Variants in POLQ observed in about 807,000 individuals in gnomAD.
POLQ encodes epididymis secretory sperm binding protein.
In POLQ, 233 loss-of-function variants were observed where a neutral mutation model predicts 259.2. That is an observed-to-expected ratio of 0.90 (90% CI 0.81 to 1.00). The LOEUF (loss-of-function observed/expected upper bound fraction) is 1.00, where lower values mean the gene tolerates loss of function less well. Ranked by LOEUF, POLQ falls within the 50% of genes least tolerant of loss-of-function variation. The pLI, the probability that POLQ is intolerant of heterozygous loss-of-function variation, is 0.00. For missense variants in POLQ, 2,871 were observed against 3,051.6 expected (o/e 0.94, Z 1.39); for synonymous variants, 1,025 against 1,048.8 (o/e 0.98, Z 0.44).
At chr3:121,452,015 G>A (rs1019649040) in intron 25 of POLQ, among the ~76,000 whole-genome samples, 4 of 151,506 alleles carry the variant, frequency 2.6e-5, no homozygotes, top group African/African-American at 9.7e-5. Context: ...CCTTGCTGCT[G>A]CCTTGCAGTT....
At chr3:121,520,111 A>G (rs1420254221) in intron 8 of POLQ, 28 bp from the exon 9 acceptor site, 4 of 1,318,772 alleles carry the variant, frequency 3.0e-6, no homozygotes, top group Non-Finnish European at 4.3e-6. Context: ...TTATATATTT[A>G]TTGATATATA....
chr3:121,534,730 T>C (rs2048438480), intron 5 of POLQ, among the ~76,000 whole-genome samples: 1 of 152,256 alleles, frequency 6.6e-6, no homozygotes, highest in African/African-American at 2.4e-5. Flanking sequence ...CAACTTTTGC[T>C]GCCCTTCACA....
At position 121,545,708 on chromosome 3, in the gene POLQ, G is replaced by A; in HGVS notation, c.163+7C>T. The A allele has an allele frequency of 6.5e-7, 1 of 1,547,766 alleles. No homozygotes were observed. ...GTTGCCCGCGGCCTCCCGGGTTCCT[G>A]GAGCACCTGCAGCTGCGGCCTTCAG... On this transcript the variant is annotated splice_region_variant and intron_variant, in intron 1 of 29. Transcript: ENST00000264233.
chr3:121,454,772 CAAT>C (rs1560088023), intron 25 of POLQ, among the ~76,000 whole-genome samples: 1 of 152,158 alleles, frequency 6.6e-6, no homozygotes, highest in Non-Finnish European at 1.5e-5. Flanking sequence ...GACTCCCACA[CAAT>C]AATAATGGGA....
chr3:121,523,506 G>GT (rs905616564), intron 7 of POLQ, among the ~76,000 whole-genome samples: 14 of 152,160 alleles, frequency 9.2e-5, no homozygotes, highest in Middle Eastern at 3.4e-3. Flanking sequence ...GAATCCAGGA[G>GT]TTTGAGACCA....
At position 121,460,073 on chromosome 3, in the gene POLQ, C is replaced by G; in HGVS notation, c.7129G>C (p.Asp2377His). ...KMIEPESVGDDLRQQAKQICY... is the reference protein window; with the variant it reads ...KMIEPESVGDHLRQQAKQICY... ...ACCTGTTTTGCCTGCTGCCTCAGAT[C>G]ATCCCCAACAGACTCTGGCTCAATC... is the stretch of plus-strand genomic sequence containing the variant. The change falls in exon 25 of 30, where the codon GAT (aspartate) becomes CAT (histidine). Residue 2377 changes from aspartate (D) to histidine (H), a missense_variant. Asp to His is a moderately conservative substitution (Grantham distance 81, BLOSUM62 -1). Around this residue, in one of 3 missense-constraint regions of POLQ, gnomAD observed 2,080 missense variants for 2,126.0 expected, o/e 0.98. Coordinates refer to ENST00000264233, the MANE Select transcript of POLQ (RefSeq NM_199420.4). The G allele has an allele frequency of 6.2e-7, 1 of 1,613,992 alleles. No homozygotes were observed.
Position 121,537,159 on chromosome 3 carries a change from C to T in POLQ, c.681G>A (p.Gly227=), listed in dbSNP as rs1392107582. 1.2e-6 allele frequency: 2 copies of T among 1,608,086 alleles called. No individual in the cohort carries two copies. The highest frequency in any genetic ancestry group is 1.7e-6 in the Non-Finnish European group (2 of 1,174,726). ...TGGTCAGCAAAAGTTCCAGCAGATA[C>T]CCTCGGTGAGAGTCTCCCAGCATAT... ...ELHMLGDSHR[G]YLLELLLTKI... The change falls in exon 5 of 30, where the codon GGG becomes GGA. Residue 227 remains glycine, a synonymous_variant. Coordinates refer to ENST00000264233, the MANE Select transcript of POLQ (RefSeq NM_199420.4).
At chr3:121,434,035 T>C (rs553082344) in intron 28 of POLQ, among the ~76,000 whole-genome samples, 1 of 152,362 alleles carries the variant, frequency 6.6e-6, no homozygotes, top group South Asian at 2.1e-4. Flanking sequence ...TGTTCACCTG[T>C]TCAGCTGAAA....
intron 18 of POLQ, 58 bp downstream of exon 18, chr3:121,483,328 A>G: frequency 1.1e-6 from 1 of 945,402 alleles, no homozygotes; most frequent in African/African-American, 1.7e-5. Flanking sequence ...CAAGTCATTT[A>G]AGAATTAACA....
At chr3:121,540,849 T>C (rs1334046505) in intron 3 of POLQ, among the ~76,000 whole-genome samples, 1 of 152,098 alleles carries the variant, frequency 6.6e-6, no homozygotes, top group Non-Finnish European at 1.5e-5. Flanking sequence ...CCCTTCTCCT[T>C]AATGCAATAA....
intron 26 of POLQ, among the ~76,000 whole-genome samples, chr3:121,440,579 G>C (rs1349495344): frequency 6.6e-6 from 1 of 152,094 alleles, no homozygotes; most frequent in African/African-American, 2.4e-5. Context: ...CAAGCGATCT[G>C]CCCACCTCCG....
At position 121,440,116 on chromosome 3, in the gene POLQ, C is replaced by T; in HGVS notation, c.7265G>A (p.Gly2422Glu). Residue 2422 changes from glycine to glutamate, a missense_variant and splice_region_variant, in exon 27 of 30, where the codon GGG becomes GAG. By Grantham distance (98) the Gly-to-Glu change is moderately conservative. This residue lies in a region of POLQ where 2,080 missense variants were observed against 2,126.0 expected (regional missense o/e 0.98). Transcript: ENST00000264233. ...TGTCTCTGTCATGAATTGATTAATC[C>T]CTACAAAGAAAATACAGAAATAATT... ...YIDSFKSRYT[G>E]INQFMTETVK... The T allele has an allele frequency of 1.2e-6, 2 of 1,602,530 alleles. No homozygotes were observed. The highest frequency in any genetic ancestry group is 2.2e-5 in the South Asian group (2 of 90,350).
intron 3 of POLQ, among the ~76,000 whole-genome samples, chr3:121,540,797 T>C (rs2048483989): frequency 6.6e-6 from 1 of 152,226 alleles, no homozygotes; most frequent in Non-Finnish European, 1.5e-5. Flanking sequence ...GGTTTACAAA[T>C]TTTTACACAA....
chr3:121,488,780 G>A lies in POLQ; in HGVS notation c.4151C>T (p.Ala1384Val), dbSNP rs749686819. The change falls in exon 16 of 30, where the codon GCG becomes GTG. Residue 1384 changes from alanine to valine, a missense_variant. Ala to Val is a moderately conservative substitution (Grantham distance 64). Transcript: ENST00000264233. ...AAGGTCCAAATGATCTATCTTAGTCGCTCCTAGAGGGTGCTGTTCAGCAGG... is the reference window on the plus strand; with the variant it reads ...AAGGTCCAAATGATCTATCTTAGTCACTCCTAGAGGGTGCTGTTCAGCAGG... ...PFPAEQHPLGATKIDHLDLKT... is the reference protein window; with the variant it reads ...PFPAEQHPLGVTKIDHLDLKT... 34 of 1,613,644 alleles carry A rather than the reference G, an allele frequency of 2.1e-5. No homozygotes were observed. The highest frequency in any genetic ancestry group is 1.3e-4 in the South Asian group (12 of 90,964).
chr3:121,449,267 T>C (rs758485189), intron 26 of POLQ, 48 bp downstream of exon 26: 1 of 954,724 alleles, frequency 1.0e-6, no homozygotes, highest in Admixed American at 2.2e-5. Flanking sequence ...TTTAAAAATA[T>C]AATATGGTAA....
At chr3:121,486,942 GAAAAAGA>G (rs1324645115) in intron 16 of POLQ, among the ~76,000 whole-genome samples, 1 of 150,210 alleles carries the variant, frequency 6.7e-6, no homozygotes, top group Non-Finnish European at 1.5e-5. Context: ...AAAGAAAGGA[GAAAAAGA>G]AAAAAGAAAA....
chr3:121,483,547 G>T lies in POLQ; in HGVS notation c.5809C>A (p.Pro1937Thr). ...ATCCTGTCTTTCAAAGTCAGGCTTG[G>T]ATCTAAAGAAGGTGGAACCAAACTG... The part of the protein sequence containing the change: ...SASLVPPSLD[P>T]SLTLKDRMWY... Residue 1937 changes from proline (P) to threonine (T), a missense_variant, in exon 18 of 30, where the codon CCA (proline) becomes ACA (threonine). Physicochemically the swap from Pro to Thr is conservative, Grantham distance 38. Coordinates refer to ENST00000264233, the MANE Select transcript of POLQ (RefSeq NM_199420.4). The T allele has an allele frequency of 6.4e-7, 1 of 1,557,356 alleles. No homozygotes were observed. Among genetic ancestry groups the T allele is most frequent in the Non-Finnish European group, 8.6e-7 (1 of 1,159,342 alleles).
At chr3:121,544,248 G>A (rs1430257146) in intron 2 of POLQ, among the ~76,000 whole-genome samples, 1 of 152,120 alleles carries the variant, frequency 6.6e-6, no homozygotes, top group East Asian at 1.9e-4. Context: ...AGCTACTTGG[G>A]AGGCTGAGGC....
chr3:121,473,365 C>T lies in POLQ; in HGVS notation c.6528G>A (p.Gln2176=). The T allele has an allele frequency of 6.2e-7, 1 of 1,613,868 alleles. No individual in the cohort carries two copies. The highest frequency in any genetic ancestry group is 8.5e-7 in the Non-Finnish European group (1 of 1,179,896). The change falls in exon 21 of 30, where the codon CAG becomes CAA. Residue 2176 remains glutamine, a synonymous_variant. Transcript: ENST00000264233. The part of the protein sequence containing the change: ...DNGRKLRLGR[Q]FSTSKDVLNK... ...CAAAGAGCACCTTACTAGTGCTGAA[C>T]TGTCTTCCCAGCCTTAGCTTGCGTC...
Sources: allele counts gnomAD v4.1 joint callset (sites outside exome capture counted in the v4.1 genomes callset), GRCh38; gene constraint gnomAD v4.1.1; regional missense constraint gnomAD v4.1.1; transcripts MANE v1.5; gene names NCBI Gene and HGNC (gene_info 2026-07-23, HGNC 2026-07-21).